Variants in SLC24A1 observed in about 807,000 individuals in gnomAD.
SLC24A1 encodes solute carrier family 24 member 1.
SLC24A1 carries 52 observed loss-of-function variants against 88.1 expected under a neutral mutation model. The ratio of observed to expected loss-of-function variants is 0.59; its 90% CI spans 0.47 to 0.74. The LOEUF is 0.74. SLC24A1 is among the 30% of genes least tolerant of loss of function. The pLI is 0.00. For synonymous variants in SLC24A1, 455 were observed against 498.0 expected, an observed-to-expected ratio of 0.91 and a Z score of 1.15; for missense variants, 1,173 against 1,363.3, an observed-to-expected ratio of 0.86 and a Z score of 2.20.
intron 4 of SLC24A1, among the ~76,000 whole-genome samples, chr15:65,643,426 G>A (rs904998787): frequency 6.6e-6 from 1 of 152,092 alleles, no homozygotes; most frequent in Non-Finnish European, 1.5e-5. Context: ...GCTTAGTGCC[G>A]GCACACAGGC....
At chr15:65,633,788 A>G (rs1400144312) in intron 2 of SLC24A1, among the ~76,000 whole-genome samples, 1 of 152,226 alleles carries the variant, frequency 6.6e-6, no homozygotes, top group Admixed American at 6.5e-5. Flanking sequence ...AGTAAGCAGG[A>G]GGCTGTGCTA....
chr15:65,655,586 G>C lies in SLC24A1; in HGVS notation c.*1507G>C. Reference sequence around the variant, plus strand: ...GAAATAGAACAGCTTAATATCACTGGCTTCAGAGCAAAATGAGCTCGGGTG... The same window carrying C: ...GAAATAGAACAGCTTAATATCACTGCCTTCAGAGCAAAATGAGCTCGGGTG... On this transcript the variant is annotated 3_prime_UTR_variant, in exon 10 of 10. Transcript: ENST00000261892. 1.0e-6 allele frequency: 1 copy of C among 985,326 alleles called. No individual in the cohort carries two copies. Among genetic ancestry groups the C allele is most frequent in the Non-Finnish European group, 1.2e-6 (1 of 829,888 alleles). 61.0% of individuals were successfully genotyped at this position (985,326 alleles called of 1,614,324 possible). A position where few individuals can be genotyped will look rare whatever the true frequency, so the allele number is the denominator to read the frequency against.
At position 65,625,902 on chromosome 15, in the gene SLC24A1, G is replaced by T; in HGVS notation, c.1822G>T (p.Val608Phe). The T allele has an allele frequency of 6.2e-7, 1 of 1,613,998 alleles. No individual in the cohort carries two copies. The highest frequency in any genetic ancestry group is 8.5e-7 in the Non-Finnish European group (1 of 1,179,904). ...FTMKWNKHIEVWVKEQLSRRP... is the reference protein window; with the variant it reads ...FTMKWNKHIEFWVKEQLSRRP... ...CATGAAGTGGAACAAGCATATCGAGGTCTGGGTGAAGGAGCAGCTCAGCAG... is the reference window on the plus strand; with the variant it reads ...CATGAAGTGGAACAAGCATATCGAGTTCTGGGTGAAGGAGCAGCTCAGCAG... The change falls in exon 2 of 10, where the codon GTC becomes TTC. Residue 608 changes from valine to phenylalanine, a missense_variant. Coordinates refer to ENST00000261892, the MANE Select transcript of SLC24A1 (RefSeq NM_004727.3).
In SLC24A1 at chr15:65,650,806, A is replaced by G. The variant is rs765549802; in HGVS notation, c.2657A>G (p.Glu886Gly). The G allele has an allele frequency of 1.2e-6, 2 of 1,613,598 alleles. No homozygotes were observed. The highest frequency in any genetic ancestry group is 1.7e-6 in the Non-Finnish European group (2 of 1,179,798). Residue 886 changes from glutamate (E) to glycine (G), a missense_variant, in exon 7 of 10, where the codon GAG becomes GGG. Coordinates refer to ENST00000261892, the MANE Select transcript of SLC24A1 (RefSeq NM_004727.3). This position sits in a 1 kb window ranked among gnomAD's most constrained non-coding sequence, Gnocchi z 4.1. ...EEQEEEEEEE[E>G]EEEEKGNEEP... is the part of the protein sequence containing the mutation. Reference sequence around the variant, plus strand: ...CAGGAGGAAGAGGAGGAGGAGGAGGAGGAAGAGGAGGAGAAGGGAAATGAA... The same window carrying G: ...CAGGAGGAAGAGGAGGAGGAGGAGGGGGAAGAGGAGGAGAAGGGAAATGAA...
At chr15:65,618,194 G>C (rs573025776), upstream of SLC24A1, among the ~76,000 whole-genome samples, 139 of 152,156 alleles carry the variant, frequency 9.1e-4, no homozygotes, top group African/African-American at 3.2e-3. Flanking sequence ...TCTTACATAT[G>C]CTTTGCAAAA....
chr15:65,633,087 G>A (rs534909618), intron 2 of SLC24A1, among the ~76,000 whole-genome samples: 2 of 152,314 alleles, frequency 1.3e-5, no homozygotes, highest in Admixed American at 1.3e-4. Flanking sequence ...TGAAGGACAA[G>A]CAGGAATTCA....
rs2074415520 is a variant in SLC24A1 at position 65,624,157 on chromosome 15, T to G, written c.77T>G (p.Leu26Arg). The change falls in exon 2 of 10, where the codon CTC (leucine) becomes CGC (arginine). Residue 26 changes from leucine to arginine, a missense_variant. Physicochemically the swap from Leu to Arg is moderately radical, Grantham distance 102 (BLOSUM62 -2). Transcript: ENST00000261892. ...RTKRLHWSRLLFLLGMLIIGS... is the reference protein window; with the variant it reads ...RTKRLHWSRLRFLLGMLIIGS... ...AAGCGGCTTCATTGGAGTCGCCTCC[T>G]CTTCTTACTGGGAATGTTGATCATC... The G allele has an allele frequency of 1.9e-6, 3 of 1,613,808 alleles. No individual in the cohort carries two copies. Among genetic ancestry groups the G allele is most frequent in the Non-Finnish European group, 1.7e-6 (2 of 1,179,836 alleles).
Position 65,624,458 on chromosome 15 carries a change from C to G in SLC24A1, c.378C>G (p.Thr126=), listed in dbSNP as rs747889129. ...KRTAKMIPTT[T]KNNYSPTAAG... Reference sequence around the variant, plus strand: ...CAGCCAAGATGATCCCAACAACAACCAAGAATAATTACAGCCCAACAGCAG... The same window carrying G: ...CAGCCAAGATGATCCCAACAACAACGAAGAATAATTACAGCCCAACAGCAG... Residue 126 remains threonine, a synonymous_variant, in exon 2 of 10, where the codon ACC becomes ACG. Coordinates refer to ENST00000261892, the MANE Select transcript of SLC24A1 (RefSeq NM_004727.3). The G allele has an allele frequency of 6.2e-7, 1 of 1,610,844 alleles. No individual in the cohort carries two copies. Among genetic ancestry groups the G allele is most frequent in the East Asian group, 2.2e-5 (1 of 44,798 alleles).
chr15:65,625,902 G>A lies in SLC24A1; in HGVS notation c.1822G>A (p.Val608Ile), dbSNP rs35984752. The A allele has an allele frequency of 2.9e-3, 4,702 of 1,613,992 alleles. 96 individuals are homozygous for A. In the African/African-American group the frequency reaches 0.055, roughly 19 times the overall value. Residue 608 changes from valine (V) to isoleucine (I), a missense_variant, in exon 2 of 10, where the codon GTC becomes ATC. Transcript: ENST00000261892. The part of the protein sequence containing the change: ...FTMKWNKHIE[V>I]WVKEQLSRRP... ...CATGAAGTGGAACAAGCATATCGAGGTCTGGGTGAAGGAGCAGCTCAGCAG... is the reference window on the plus strand; with the variant it reads ...CATGAAGTGGAACAAGCATATCGAGATCTGGGTGAAGGAGCAGCTCAGCAG...
At chr15:65,657,427 G>A (rs1052199705), downstream of SLC24A1, among the ~76,000 whole-genome samples, 1 of 151,924 alleles carries the variant, frequency 6.6e-6, no homozygotes, top group Non-Finnish European at 1.5e-5. Context: ...GGATCACGAG[G>A]TCAGTAGATC....
At chr15:65,636,306 C>T (rs118017634) in intron 2 of SLC24A1, among the ~76,000 whole-genome samples, 2,050 of 152,218 alleles carry the variant, frequency 0.013, 20 homozygotes, top group Non-Finnish European at 0.019. Context: ...AACAAAAAAA[C>T]GTAGCCAGTC....
At chr15:65,657,423 C>T (rs923446630), downstream of SLC24A1, among the ~76,000 whole-genome samples, 10 of 152,012 alleles carry the variant, frequency 6.6e-5, no homozygotes, top group Non-Finnish European at 8.8e-5. Context: ...GGGCGGATCA[C>T]GAGGTCAGTA....
chr15:65,626,541 T>C (rs72740746), intron 2 of SLC24A1, among the ~76,000 whole-genome samples: 12 of 152,266 alleles, frequency 7.9e-5, no homozygotes, highest in Non-Finnish European at 1.6e-4. Flanking sequence ...CTGAAAATAT[T>C]AGAGAAGATG....
At chr15:65,643,506 G>T (rs980010221) in intron 4 of SLC24A1, among the ~76,000 whole-genome samples, 1 of 152,202 alleles carries the variant, frequency 6.6e-6, no homozygotes, top group Non-Finnish European at 1.5e-5. Context: ...TAGATCCCAT[G>T]ACACCACTTT....
intron 2 of SLC24A1, among the ~76,000 whole-genome samples, chr15:65,632,559 C>G (rs1175223197): frequency 6.6e-6 from 1 of 152,124 alleles, no homozygotes; most frequent in African/African-American, 2.4e-5. Flanking sequence ...TTGTGAATCA[C>G]CAACAAATGT....
chr15:65,632,725 A>T (rs1476185637), intron 2 of SLC24A1, among the ~76,000 whole-genome samples: 1 of 152,228 alleles, frequency 6.6e-6, no homozygotes, highest in African/African-American at 2.4e-5. Flanking sequence ...TAAATAAAGC[A>T]CAGTTCCAGC....
chr15:65,652,489 A>G lies in SLC24A1; in HGVS notation c.2884-153A>G, dbSNP rs549773309. On this transcript the variant is annotated intron_variant, in intron 8 of 9. Coordinates refer to ENST00000261892, the MANE Select transcript of SLC24A1 (RefSeq NM_004727.3). ...TGCTCTTCCTCTCTGTGGCCATCTC[A>G]GCTGTCGGTCCCCCTATCACCCTTC... 1.7e-3 allele frequency: 1,025 copies of G among 601,844 alleles called. 2 individuals carry two copies. The highest frequency in any genetic ancestry group is 2.4e-3 in the Non-Finnish European group (828 of 344,688). 37.3% of individuals were successfully genotyped at this position (601,844 alleles called of 1,614,324 possible).
chr15:65,629,278 A>G (rs1490432381), intron 2 of SLC24A1, among the ~76,000 whole-genome samples: 1 of 152,196 alleles, frequency 6.6e-6, no homozygotes, highest in Non-Finnish European at 1.5e-5. Context: ...AATCAGGATA[A>G]TGGTGTTTTA....
rs371702487 is a variant in SLC24A1, at chr15:65,634,397, A to C, written c.1891-3731A>C. Among the ~76,000 whole-genome samples, 9 of 152,202 alleles carry C rather than the reference A, an allele frequency of 5.9e-5. No homozygotes were observed. The East Asian group carries it at 9.6e-4, about 16-fold the overall frequency. On this transcript the variant is annotated intron_variant, in intron 2 of 9. Transcript: ENST00000261892. ...AAGGATCCCATTGCTCATCCTCAGC[A>C]AGAGGCATGAAGACATCCTCTTCTG...
Sources: gnomAD v4.1 joint callset for allele counts (sites outside exome capture counted in the v4.1 genomes callset) on GRCh38, gnomAD v4.1.1 for gene constraint, Gnocchi (gnomAD v3.1) non-coding constraint, MANE v1.5 for transcripts, NCBI Gene and HGNC (gene_info 2026-07-23, HGNC 2026-07-21) for gene names.